The following ADAMTS17 variants were observed in gnomAD, a reference collection of about 807,000 sequenced individuals.
ADAMTS17 encodes A disintegrin and metalloproteinase with thrombospondin motifs 17.
ADAMTS17 carries 113 observed loss-of-function variants against 141.5 expected under a neutral mutation model. The ratio of observed to expected loss-of-function variants is 0.80; its 90% CI spans 0.69 to 0.93. The LOEUF (loss-of-function observed/expected upper bound fraction) is 0.93. Among genes scored for constraint, ADAMTS17 ranks in the 40% least tolerant of loss-of-function variants. The pLI, the probability that ADAMTS17 is intolerant of heterozygous loss-of-function variation, is 0.00. For missense variants in ADAMTS17, 1,659 were observed against 1,517.9 expected (o/e 1.09, Z -1.54); for synonymous variants, 768 against 630.6 (o/e 1.22, Z -3.27).
intron 14 of ADAMTS17, among the ~76,000 whole-genome samples, chr15:100,105,627 G>A (rs1444940119): frequency 2.0e-5 from 3 of 152,156 alleles, no homozygotes; most frequent in Non-Finnish European, 2.9e-5. Flanking sequence ...GTCAAGAGGG[G>A]GTAGAGCTCA....
chr15:100,088,018 G>C (rs976933818), intron 15 of ADAMTS17, among the ~76,000 whole-genome samples: 1 of 152,118 alleles, frequency 6.6e-6, no homozygotes, highest in African/African-American at 2.4e-5. Flanking sequence ...GAAATAAAGG[G>C]TATTCAATTA....
intron 7 of ADAMTS17, among the ~76,000 whole-genome samples, chr15:100,212,731 C>T (rs1013655321): frequency 5.3e-5 from 8 of 151,820 alleles, no homozygotes; most frequent in Admixed American, 1.3e-4. Context: ...ATGTGCTTTT[C>T]GTTGCCAGAT....
chr15:100,288,905 G>A (rs1490691699), intron 3 of ADAMTS17, among the ~76,000 whole-genome samples: 1 of 152,108 alleles, frequency 6.6e-6, no homozygotes, highest in African/African-American at 2.4e-5. Flanking sequence ...AAGTCAGAAA[G>A]ATATGAAATT....
chr15:100,021,216 G>C (rs2061401326), intron 18 of ADAMTS17, among the ~76,000 whole-genome samples: 1 of 152,198 alleles, frequency 6.6e-6, no homozygotes, highest in South Asian at 2.1e-4. Flanking sequence ...CAGGCCTGTG[G>C]TTCTGGGTGG....
At chr15:100,173,466 G>C (rs1314288441) in intron 8 of ADAMTS17, among the ~76,000 whole-genome samples, 2 of 152,112 alleles carry the variant, frequency 1.3e-5, no homozygotes, top group African/African-American at 2.4e-5. Flanking sequence ...TGGTAGACAA[G>C]GCACCAAGAT....
At chr15:100,069,000 G>A (rs184856954) in intron 15 of ADAMTS17, among the ~76,000 whole-genome samples, 7 of 152,246 alleles carry the variant, frequency 4.6e-5, no homozygotes, top group Non-Finnish European at 7.4e-5. Context: ...CTTGAAAAAA[G>A]ATTACATGAA....
intron 18 of ADAMTS17, among the ~76,000 whole-genome samples, chr15:100,025,364 G>C (rs767200248): frequency 6.7e-6 from 1 of 149,852 alleles, no homozygotes; most frequent in Non-Finnish European, 1.5e-5. Context: ...ACAGCATATA[G>C]TTGGGTCTTT....
chr15:100,175,377 T>C (rs946865025), intron 8 of ADAMTS17, among the ~76,000 whole-genome samples: 2 of 152,118 alleles, frequency 1.3e-5, no homozygotes. Context: ...TCCTTCTGCT[T>C]CAGGTAGGAG....
At position 99,976,220 on chromosome 15, in the gene ADAMTS17, G is replaced by C; in HGVS notation, c.2952C>G (p.Cys984Trp). Residue 984 changes from cysteine to tryptophan, a missense_variant and splice_region_variant, in exon 21 of 22, where the codon TGC becomes TGG. By Grantham distance (215) the Cys-to-Trp change is radical. Coordinates refer to ENST00000268070, the MANE Select transcript of ADAMTS17 (RefSeq NM_139057.4). Reference protein sequence around the residue: ...YEWKTGDWSTCSSTCGKGLQS... With the variant: ...YEWKTGDWSTWSSTCGKGLQS... Reference sequence around the variant, plus strand: ...GCAGGCCCTTCCCGCAGGTCGACGAGCACTGCAGAGACAGGACAGCCTGAG... The same window carrying C: ...GCAGGCCCTTCCCGCAGGTCGACGACCACTGCAGAGACAGGACAGCCTGAG... 1 of 1,545,110 alleles carries C rather than the reference G, an allele frequency of 6.5e-7. No individual in the cohort carries two copies. The highest frequency in any genetic ancestry group is 8.7e-7 in the Non-Finnish European group (1 of 1,146,956).
chr15:100,247,139 G>A (rs1000579220), intron 7 of ADAMTS17, among the ~76,000 whole-genome samples: 2 of 151,920 alleles, frequency 1.3e-5, no homozygotes, highest in Admixed American at 6.6e-5. Flanking sequence ...CACCCACCTC[G>A]GCCTCCCAAA....
intron 7 of ADAMTS17, among the ~76,000 whole-genome samples, chr15:100,232,709 T>C (rs140939368): frequency 8.5e-4 from 129 of 152,346 alleles, no homozygotes; most frequent in African/African-American, 2.9e-3. Flanking sequence ...GCCTGTTTCC[T>C]GAATAGCAGG....
In ADAMTS17 at chr15:100,107,985, C is replaced by T. The variant is rs1345752529; in HGVS notation, c.2016+1004G>A. Among the ~76,000 whole-genome samples the T allele has an allele frequency of 2.0e-5, 3 of 152,166 alleles. No individual in the cohort carries two copies. The East Asian group carries it at 5.8e-4, about 29-fold the overall frequency. ...AGAAAATACAAAGCTTCGACACCCA[C>T]TCCCCATCCCAGCTGCTGCGCCACC... On this transcript the variant is annotated intron_variant, in intron 14 of 21. Transcript: ENST00000268070.
intron 15 of ADAMTS17, among the ~76,000 whole-genome samples, chr15:100,083,491 G>A (rs2034885805): frequency 6.6e-6 from 1 of 151,986 alleles, no homozygotes; most frequent in Non-Finnish European, 1.5e-5. Flanking sequence ...TCATTTTCAG[G>A]TTATCTTTTG....
intron 18 of ADAMTS17, among the ~76,000 whole-genome samples, chr15:100,035,213 A>G (rs1459044206): frequency 6.6e-6 from 1 of 152,224 alleles, no homozygotes; most frequent in East Asian, 1.9e-4. Flanking sequence ...AGGTTTCACC[A>G]TATTAGCTCT....
chr15:100,116,821 T>C (rs764097459), intron 13 of ADAMTS17, 26 bp downstream of exon 13: 42 of 1,613,812 alleles, frequency 2.6e-5, no homozygotes, highest in Non-Finnish European at 3.4e-5. Context: ...GAGGCTGCCA[T>C]GCAAGGACAT....
intron 15 of ADAMTS17, among the ~76,000 whole-genome samples, chr15:100,092,934 A>G (rs1567160766): frequency 6.6e-6 from 1 of 152,166 alleles, no homozygotes; most frequent in African/African-American, 2.4e-5. Flanking sequence ...TAAAGATAAT[A>G]TTGTTAAAAT....
In ADAMTS17 at chr15:100,213,019, G is replaced by A. The variant is rs538746459; in HGVS notation, c.1076-13596C>T. On this transcript the variant is annotated intron_variant, in intron 7 of 21. Coordinates refer to ENST00000268070, the MANE Select transcript of ADAMTS17 (RefSeq NM_139057.4). ...TAAAAAAAGAAGAAAAACAGCTGAG[G>A]GATATGCACATATCCGTAGTTTAAC... Among the ~76,000 whole-genome samples, 5 of 152,034 alleles carry A rather than the reference G, an allele frequency of 3.3e-5. No individual in the cohort carries two copies. In the East Asian group the frequency reaches 9.6e-4, roughly 29 times the overall value.
chr15:100,067,920 C>A (rs1359318205), intron 15 of ADAMTS17, among the ~76,000 whole-genome samples: 3 of 152,132 alleles, frequency 2.0e-5, no homozygotes, highest in African/African-American at 7.2e-5. Context: ...ACAGTGGGTG[C>A]AGTGCACTGA....
intron 8 of ADAMTS17, among the ~76,000 whole-genome samples, chr15:100,170,895 TG>T (rs1458875320): frequency 6.6e-6 from 1 of 152,172 alleles, no homozygotes; most frequent in Non-Finnish European, 1.5e-5. Flanking sequence ...GCCTGGCTGG[TG>T]GCACCCGTTA....
Sources: allele counts gnomAD v4.1 joint callset (sites outside exome capture counted in the v4.1 genomes callset), GRCh38; gene constraint gnomAD v4.1.1; transcripts MANE v1.5; gene names NCBI Gene and HGNC (gene_info 2026-07-23, HGNC 2026-07-21).